Variants in RBFOX1 observed in about 807,000 individuals in gnomAD.
RBFOX1 encodes the protein RNA binding protein fox-1 homolog 1.
Under a neutral mutation model 57.7 loss-of-function variants are expected in RBFOX1, and 8 were observed. The observed-to-expected ratio is 0.14, with a 90% confidence interval of 0.08 to 0.25. The LOEUF (loss-of-function observed/expected upper bound fraction) is 0.25. Ranked by LOEUF, RBFOX1 falls within the 10% of genes least tolerant of loss-of-function variation. The pLI is 1.00. For synonymous variants in RBFOX1, 326 were observed against 222.4 expected, an observed-to-expected ratio of 1.47 and a Z score of -4.15; for missense variants, 611 against 548.5, an observed-to-expected ratio of 1.11 and a Z score of -1.14.
At chr16:5,677,946 G>A (rs527747741) in intron 3 of RBFOX1, among the ~76,000 whole-genome samples, 4 of 152,314 alleles carry the variant, frequency 2.6e-5, no homozygotes, top group East Asian at 1.9e-4. Flanking sequence ...TCCATGAGCC[G>A]AAATGTGTTC....
At position 7,197,785 on chromosome 16, in the gene RBFOX1, G is replaced by A. The variant is rs531396506; in HGVS notation, c.27+145687G>A. ...TACTGATACATGCTACAATGTAGAT[G>A]AGAGCATTATGCTAAGGGAAGGAAC... On this transcript the variant is annotated intron_variant, in intron 4 of 15. Transcript: ENST00000550418. Among the ~76,000 whole-genome samples the A allele has an allele frequency of 2.3e-3, 356 of 152,228 alleles. 1 individual carries two copies. The highest frequency in any genetic ancestry group is 8.1e-3 in the African/African-American group (335 of 41,532).
intron 3 of RBFOX1, among the ~76,000 whole-genome samples, chr16:6,929,890 T>C (rs1395104459): frequency 6.6e-6 from 1 of 152,182 alleles, no homozygotes; most frequent in Non-Finnish European, 1.5e-5. Flanking sequence ...CTTTAGCCCT[T>C]ATGGAGGACA....
intron 14 of RBFOX1, among the ~76,000 whole-genome samples, chr16:7,685,557 A>G (rs2075887627): frequency 6.6e-6 from 1 of 152,142 alleles, no homozygotes; most frequent in Non-Finnish European, 1.5e-5. Context: ...AATTAGAATC[A>G]GAAAGAGATG....
At chr16:6,169,845 A>C (rs986013903) in intron 1 of RBFOX1, among the ~76,000 whole-genome samples, 1 of 151,752 alleles carries the variant, frequency 6.6e-6, no homozygotes, top group Non-Finnish European at 1.5e-5. Flanking sequence ...GCTCACTGCA[A>C]CCTCTGCCAC....
At chr16:7,383,301 A>G (rs1597057352) in intron 4 of RBFOX1, among the ~76,000 whole-genome samples, 1 of 152,000 alleles carries the variant, frequency 6.6e-6, no homozygotes, top group East Asian at 1.9e-4. Flanking sequence ...CAACAACACT[A>G]GGCACGCATT....
chr16:6,584,811 G>A (rs1485065835), intron 2 of RBFOX1, among the ~76,000 whole-genome samples: 2 of 152,160 alleles, frequency 1.3e-5, no homozygotes, highest in African/African-American at 4.8e-5. Context: ...GATTAAGTCA[G>A]ATGGTTTTGC....
At chr16:5,428,286 T>G (rs569619508) in intron 1 of RBFOX1, among the ~76,000 whole-genome samples, 14 of 152,228 alleles carry the variant, frequency 9.2e-5, no homozygotes, top group African/African-American at 3.4e-4. Flanking sequence ...TATAAAATGA[T>G]TCATGATGAG....
chr16:6,296,867 A>G (rs960647419), intron 1 of RBFOX1, among the ~76,000 whole-genome samples: 1 of 152,196 alleles, frequency 6.6e-6, no homozygotes, highest in Non-Finnish European at 1.5e-5. Flanking sequence ...ATCTTGTGCA[A>G]GAAAGAATTC....
intron 4 of RBFOX1, among the ~76,000 whole-genome samples, chr16:7,380,313 C>G (rs967798496): frequency 1.3e-5 from 2 of 152,146 alleles, no homozygotes; most frequent in African/African-American, 4.8e-5. Context: ...CTTCCTCCCC[C>G]ATCATTTAAT....
chr16:5,649,118 T>C (rs1011732422), intron 3 of RBFOX1, among the ~76,000 whole-genome samples: 59 of 152,162 alleles, frequency 3.9e-4, no homozygotes, highest in African/African-American at 1.1e-3. Context: ...TATATATATA[T>C]ACACACATAT....
intron 1 of RBFOX1, among the ~76,000 whole-genome samples, chr16:6,196,828 G>A (rs1279840243): frequency 4.6e-5 from 7 of 151,376 alleles, no homozygotes; most frequent in Non-Finnish European, 5.9e-5. Flanking sequence ...TTTACATATG[G>A]AGACATTGAT....
intron 2 of RBFOX1, among the ~76,000 whole-genome samples, chr16:5,579,854 G>C (rs2046602842): frequency 6.6e-6 from 1 of 151,840 alleles, no homozygotes; most frequent in African/African-American, 2.4e-5. Context: ...CCGCCTCCCG[G>C]GTTCAAGCTA....
At chr16:6,242,877 G>A (rs933489972) in intron 1 of RBFOX1, among the ~76,000 whole-genome samples, 3 of 151,994 alleles carry the variant, frequency 2.0e-5, no homozygotes, top group Non-Finnish European at 4.4e-5. Context: ...TTTAACCAAT[G>A]TTAAAACTTT....
chr16:6,752,780 G>T (rs539145079), intron 3 of RBFOX1, among the ~76,000 whole-genome samples: 1 of 150,102 alleles, frequency 6.7e-6, no homozygotes. Context: ...ATCCTTTCCT[G>T]CTGGTAATGA....
chr16:6,641,374 A>G lies in RBFOX1; in HGVS notation c.-63-13229A>G, dbSNP rs114401747. 9.4e-3 allele frequency among the ~76,000 whole-genome samples: 1,428 copies of G among 152,244 alleles called. 24 individuals are homozygous for G. Among genetic ancestry groups the G allele is most frequent in the African/African-American group, 0.033 (1,350 of 41,534 alleles). ...CATCTGTCATTTTCTGGTGCTATTT[A>G]TAAATCCAAGGGAGCATTGCTGTTT... On this transcript the variant is annotated intron_variant, in intron 2 of 15. Transcript: ENST00000550418.
chr16:7,386,318 T>G (rs1217333296), intron 4 of RBFOX1, among the ~76,000 whole-genome samples: 2 of 152,122 alleles, frequency 1.3e-5, no homozygotes, highest in African/African-American at 4.8e-5. Flanking sequence ...TGTGCCATGG[T>G]GGTTGCTGCA....
intron 5 of RBFOX1, among the ~76,000 whole-genome samples, chr16:7,521,819 C>T (rs546397081): frequency 6.6e-6 from 1 of 152,290 alleles, no homozygotes; most frequent in African/African-American, 2.4e-5. Flanking sequence ...TTGGCCCATA[C>T]AATAAAAAGT....
chr16:5,545,940 C>T (rs951520210), intron 2 of RBFOX1, among the ~76,000 whole-genome samples: 7 of 151,094 alleles, frequency 4.6e-5, no homozygotes, highest in Non-Finnish European at 8.9e-5. Context: ...GATCTAAAAA[C>T]TTTTTTTTTG....
intron 9 of RBFOX1, among the ~76,000 whole-genome samples, chr16:7,606,655 A>G (rs2141237778): frequency 6.6e-6 from 1 of 152,352 alleles, no homozygotes; most frequent in Middle Eastern, 3.4e-3. Context: ...AAATTACAGG[A>G]TTCCATTAAT....
Sources: allele counts gnomAD v4.1 joint callset (sites outside exome capture counted in the v4.1 genomes callset), GRCh38; gene constraint gnomAD v4.1.1; transcripts MANE v1.5; gene names NCBI Gene and HGNC (gene_info 2026-07-23, HGNC 2026-07-21).